Variants in VDAC2 observed in about 807,000 individuals in gnomAD.
VDAC2 encodes non-selective voltage-gated ion channel VDAC2.
A neutral mutation model predicts 36.6 loss-of-function variants in VDAC2; 6 were observed. The ratio of observed to expected loss-of-function variants is 0.16; its 90% CI spans 0.09 to 0.32. The LOEUF is 0.32. Ranked by LOEUF, VDAC2 falls within the 10% of genes least tolerant of loss-of-function variation. The probability of loss-of-function intolerance (pLI) is 1.00; values close to 1 mark genes in which losing one functional copy is unlikely to be tolerated. For missense variants in VDAC2, 247 were observed against 346.0 expected (o/e 0.71, Z 2.27); for synonymous variants, 109 against 123.8 (o/e 0.88, Z 0.79).
rs1318751735 is a variant in VDAC2 at position 75,231,282 on chromosome 10, T to C, written c.*293T>C. 2.7e-5 allele frequency: 6 copies of C among 225,402 alleles called. No homozygotes were observed. The Admixed American group carries it at 3.5e-4, about 13-fold the overall frequency. The allele number at this position is 225,402 out of a possible 1,614,324, so 14.0% of individuals were successfully genotyped here. A position where few individuals can be genotyped will look rare whatever the true frequency, so the allele number is the denominator to read the frequency against. On this transcript the variant is annotated 3_prime_UTR_variant, in exon 10 of 10. Transcript: ENST00000332211. ...TAGACCTTTATGAAAACTGTGCAATTGTGTGCATGTTTGTTTTTATGTTCC... is the reference window on the plus strand; with the variant it reads ...TAGACCTTTATGAAAACTGTGCAATCGTGTGCATGTTTGTTTTTATGTTCC...
chr10:75,221,273 T>G (rs1186283760), intron 7 of VDAC2, among the ~76,000 whole-genome samples: 3 of 152,234 alleles, frequency 2.0e-5, no homozygotes, highest in Non-Finnish European at 4.4e-5. Context: ...ATTATTTTGA[T>G]GTGTGAGATG....
intron 4 of VDAC2, chr10:75,217,890 A>G: frequency 2.3e-6 from 3 of 1,284,274 alleles, no homozygotes; most frequent in Non-Finnish European, 2.0e-6. Flanking sequence ...CTCTACAGAT[A>G]TCACAATTTC....
At position 75,231,083 on chromosome 10, in the gene VDAC2, A is replaced by T. The variant is rs553789955; in HGVS notation, c.*94A>T. The T allele has an allele frequency of 3.2e-5, 28 of 867,870 alleles. No individual in the cohort carries two copies. Among genetic ancestry groups the T allele is most frequent in the Non-Finnish European group, 4.7e-5 (26 of 554,434 alleles). 53.8% of individuals were successfully genotyped at this position (867,870 alleles called of 1,614,324 possible). On this transcript the variant is annotated 3_prime_UTR_variant, in exon 10 of 10. Transcript: ENST00000332211. ...AGCAGCAGGCTTTTTTCCCCCAAGA[A>T]GATGATCAAAACAAAGGATGATCTC...
At chr10:75,230,832 G>A in intron 9 of VDAC2, 66 bp from the exon 10 acceptor site, 3 of 1,403,822 alleles carry the variant, frequency 2.1e-6, no homozygotes, top group Non-Finnish European at 3.0e-6. Flanking sequence ...GTGAAAGAAG[G>A]CCCAGACTGA....
intron 3 of VDAC2, among the ~76,000 whole-genome samples, chr10:75,213,326 T>C (rs1841490301): frequency 6.6e-6 from 1 of 152,186 alleles, no homozygotes; most frequent in Non-Finnish European, 1.5e-5. Context: ...GTGGTCTGCC[T>C]GCCTCGACTA....
At position 75,212,277 on chromosome 10, in the gene VDAC2, G is replaced by C; in HGVS notation, c.79G>C (p.Asp27His). The C allele has an allele frequency of 6.2e-7, 1 of 1,613,422 alleles. No individual in the cohort carries two copies. Among genetic ancestry groups the C allele is most frequent in the Non-Finnish European group, 8.5e-7 (1 of 1,179,868 alleles). The part of the protein sequence containing the change: ...SYADLGKAAR[D>H]IFNKGFGFGL... The stretch of plus-strand genomic sequence containing the variant: ...TGCTGACCTTGGCAAAGCTGCCAGA[G>C]ATATTTTCAACAAAGGATTTGGTAA... Residue 27 changes from aspartate (D) to histidine (H), a missense_variant, in exon 3 of 10, where the codon GAT (aspartate) becomes CAT (histidine). Coordinates refer to ENST00000332211, the MANE Select transcript of VDAC2 (RefSeq NM_001391963.1).
chr10:75,211,752 TC>T, intron 2 of VDAC2: 1 of 1,447,518 alleles, frequency 6.9e-7, no homozygotes, highest in Non-Finnish European at 9.5e-7. Context: ...ATATTTAAAT[TC>T]CCAGTATTAA....
chr10:75,221,097 G>T (rs1177783998), intron 7 of VDAC2, 127 bp downstream of exon 7: 6 of 1,043,536 alleles, frequency 5.7e-6, no homozygotes, highest in Middle Eastern at 2.8e-4. Flanking sequence ...AATCATTCTT[G>T]GTCATTTCTA....
In VDAC2 at chr10:75,210,878, T is replaced by C; in HGVS notation, c.-86T>C. On this transcript the variant is annotated 5_prime_UTR_variant, in exon 1 of 10. Coordinates refer to ENST00000332211, the MANE Select transcript of VDAC2 (RefSeq NM_001391963.1). ...TGGAGCTGCAGCCCGACCGCGAGCG[T>C]GCCAAGCGGCTTCAGCAGCTAGCGG... is the stretch of plus-strand genomic sequence containing the variant. 1 of 365,722 alleles carries C rather than the reference T, an allele frequency of 2.7e-6. No individual in the cohort carries two copies. Among genetic ancestry groups the C allele is most frequent in the Non-Finnish European group, 4.9e-6 (1 of 203,504 alleles). The allele number at this position is 365,722 out of a possible 1,614,324, so 22.7% of individuals were successfully genotyped here. A position where few individuals can be genotyped will look rare whatever the true frequency, so the allele number is the denominator to read the frequency against.
chr10:75,219,539 A>G (rs1841736476), intron 6 of VDAC2, among the ~76,000 whole-genome samples, 183 bp downstream of exon 6: 1 of 152,238 alleles, frequency 6.6e-6, no homozygotes, highest in Non-Finnish European at 1.5e-5. Flanking sequence ...GCTGGAGTGC[A>G]GTGGCATCAT....
intron 9 of VDAC2, 106 bp downstream of exon 9, chr10:75,229,807 G>A (rs1842054575): frequency 1.2e-6 from 1 of 816,864 alleles, no homozygotes; most frequent in Non-Finnish European, 1.9e-6. Context: ...AGAGTTGAAA[G>A]AAGAGTACAA....
intron 1 of VDAC2, 77 bp from the exon 2 acceptor site, chr10:75,211,057 C>T: frequency 7.3e-7 from 1 of 1,364,392 alleles, no homozygotes; most frequent in Non-Finnish European, 9.8e-7. Flanking sequence ...TGCCCCGCGG[C>T]CCCTCGCCCC....
At position 75,220,724 on chromosome 10, in the gene VDAC2, C is replaced by G. The variant is rs763066032; in HGVS notation, c.357-19C>G. ...GTGTGTAAATTTTTCCCAATGACAT[C>G]AGTTTGTTCTTTTTCCAGAAAGAAA... On this transcript the variant is annotated intron_variant, in intron 6 of 9. Coordinates refer to ENST00000332211, the MANE Select transcript of VDAC2 (RefSeq NM_001391963.1). The G allele has an allele frequency of 6.3e-7, 1 of 1,596,470 alleles. No individual in the cohort carries two copies. The highest frequency in any genetic ancestry group is 1.1e-5 in the South Asian group (1 of 89,062).
At chr10:75,212,919 G>T (rs1380742129) in intron 3 of VDAC2, among the ~76,000 whole-genome samples, 1 of 152,034 alleles carries the variant, frequency 6.6e-6, no homozygotes, top group African/African-American at 2.4e-5. Context: ...TTTTGCTTTT[G>T]TGGTGACTCC....
At chr10:75,217,615 T>C (rs896286889) in intron 4 of VDAC2, among the ~76,000 whole-genome samples, 2 of 152,172 alleles carry the variant, frequency 1.3e-5, no homozygotes, top group East Asian at 3.9e-4. Context: ...CTACCTCAAG[T>C]GATCGGCCCG....
intron 7 of VDAC2, 122 bp downstream of exon 7, chr10:75,221,092 T>C: frequency 1.9e-6 from 2 of 1,065,834 alleles, no homozygotes; most frequent in Non-Finnish European, 2.7e-6. Flanking sequence ...AACAAAATCA[T>C]TCTTGGTCAT....
intron 8 of VDAC2, among the ~76,000 whole-genome samples, chr10:75,223,618 C>G (rs780611755): frequency 5.9e-5 from 9 of 152,316 alleles, no homozygotes; most frequent in African/African-American, 1.9e-4. Context: ...CTCCTTCCCT[C>G]TCCTGGCATA....
chr10:75,219,090 A>G lies in VDAC2; in HGVS notation c.178A>G (p.Thr60Ala). The part of the protein sequence containing the change: ...VEFSTSGSSN[T>A]DTGKVTGTLE... ...ATTTTCAACGTCCGGTTCATCTAAT[A>G]CAGACACTGGTAAAGTTACTGGGAC... Residue 60 changes from threonine (T) to alanine (A), a missense_variant, in exon 5 of 10, where the codon ACA becomes GCA. Physicochemically the swap from Thr to Ala is moderately conservative, Grantham distance 58 (BLOSUM62 0). Coordinates refer to ENST00000332211, the MANE Select transcript of VDAC2 (RefSeq NM_001391963.1). The G allele has an allele frequency of 6.2e-7, 1 of 1,610,730 alleles. No individual in the cohort carries two copies. Among genetic ancestry groups the G allele is most frequent in the South Asian group, 1.1e-5 (1 of 90,252 alleles).
chr10:75,222,877 C>T (rs539520957), intron 8 of VDAC2, among the ~76,000 whole-genome samples: 8 of 152,032 alleles, frequency 5.3e-5, no homozygotes, highest in African/African-American at 1.9e-4. Flanking sequence ...TGTTGCCCAT[C>T]CTAGGCTCAA....
Sources: allele counts gnomAD v4.1 joint callset (sites outside exome capture counted in the v4.1 genomes callset), GRCh38; gene constraint gnomAD v4.1.1; transcripts MANE v1.5; gene names NCBI Gene and HGNC (gene_info 2026-07-23, HGNC 2026-07-21).